Variants in FNDC3B observed in about 807,000 individuals in gnomAD.
The protein encoded by FNDC3B is fibronectin type III domain-containing protein 3B.
Under a neutral mutation model 151.5 loss-of-function variants are expected in FNDC3B, and 12 were observed. That is an observed-to-expected ratio of 0.08 (90% CI 0.05 to 0.13). FNDC3B has a LOEUF of 0.13. Ranked by LOEUF, FNDC3B falls within the 10% of genes least tolerant of loss-of-function variation. The pLI is 1.00. For missense variants in FNDC3B, 1,214 were observed against 1,505.3 expected, an observed-to-expected ratio of 0.81 and a Z score of 3.20; for synonymous variants, 528 against 549.0, an observed-to-expected ratio of 0.96 and a Z score of 0.54.
At chr3:172,207,719 G>A (rs1371822521) in intron 3 of FNDC3B, among the ~76,000 whole-genome samples, 1 of 152,144 alleles carries the variant, frequency 6.6e-6, no homozygotes, top group Admixed American at 6.5e-5. Context: ...AGGCCTAGGT[G>A]GGTGGATCAC....
At chr3:172,060,301 TG>T (rs1344138935) in intron 1 of FNDC3B, among the ~76,000 whole-genome samples, 2 of 151,796 alleles carry the variant, frequency 1.3e-5, no homozygotes, top group East Asian at 3.9e-4. Context: ...GTTGCTAGGG[TG>T]GGGGGTGGTA....
At chr3:172,133,796 A>G in intron 3 of FNDC3B, 1 of 494,508 alleles carries the variant, frequency 2.0e-6, no homozygotes, top group Non-Finnish European at 3.7e-6. Context: ...TTACTCCAAA[A>G]TTTGGTGGCT....
At chr3:172,324,367 G>A (rs1344699719) in intron 11 of FNDC3B, among the ~76,000 whole-genome samples, 5 of 152,110 alleles carry the variant, frequency 3.3e-5, no homozygotes, top group Non-Finnish European at 7.4e-5. Context: ...ATGAATTGGT[G>A]CTCTCAGGCT....
rs1267554497 is a variant in FNDC3B, at chr3:172,218,725, GC to G, written c.188-8142del. Among the ~76,000 whole-genome samples, 4 of 152,276 alleles carry G rather than the reference GC, an allele frequency of 2.6e-5. No homozygotes were observed. In the East Asian group the frequency reaches 7.7e-4, roughly 29 times the overall value. ...TTGATCAGAGAGTTTTAAGTAATTTGCCCCAAGGTCATGCTAGAATGTGATG... is the reference window on the plus strand; with the variant it reads ...TTGATCAGAGAGTTTTAAGTAATTTGCCCAAGGTCATGCTAGAATGTGATG... On this transcript the variant is annotated intron_variant, in intron 3 of 25. Transcript: ENST00000415807.
intron 1 of FNDC3B, among the ~76,000 whole-genome samples, chr3:172,061,168 T>A (rs1009059105): frequency 1.3e-5 from 2 of 152,292 alleles, no homozygotes; most frequent in Non-Finnish European, 2.9e-5. Flanking sequence ...GAATAATGGA[T>A]GCTTATTCTA....
intron 3 of FNDC3B, among the ~76,000 whole-genome samples, chr3:172,149,779 C>T (rs1171186541): frequency 1.7e-5 from 2 of 117,482 alleles, no homozygotes; most frequent in Non-Finnish European, 3.6e-5. Context: ...TTTAAAAAAG[C>T]TTGTGTATAC....
At chr3:172,263,708 A>G (rs963728308) in intron 6 of FNDC3B, among the ~76,000 whole-genome samples, 2 of 150,510 alleles carry the variant, frequency 1.3e-5, no homozygotes, top group South Asian at 2.1e-4. Context: ...TTTGAAAACT[A>G]TATCTTCATT....
At chr3:172,273,403 C>T (rs1277289634) in intron 6 of FNDC3B, among the ~76,000 whole-genome samples, 1 of 152,182 alleles carries the variant, frequency 6.6e-6, no homozygotes, top group East Asian at 1.9e-4. Flanking sequence ...TTCATTGGCT[C>T]TGTTACCTAA....
chr3:172,125,717 C>T (rs1287620905), intron 2 of FNDC3B, among the ~76,000 whole-genome samples: 1 of 152,150 alleles, frequency 6.6e-6, no homozygotes, highest in East Asian at 1.9e-4. Context: ...AAAGTGTATC[C>T]TTCAAAAGGA....
rs76525230 is a variant in FNDC3B, at chr3:172,313,680, T to C, written c.1254+2799T>C. The stretch of plus-strand genomic sequence containing the variant: ...TTTAAGCAGACACAAATAAAACACG[T>C]TGCCATATGCTTCTCAAATTGTTCT... On this transcript the variant is annotated intron_variant, in intron 11 of 25. Transcript: ENST00000415807. Among the ~76,000 whole-genome samples, 40 of 152,352 alleles carry C rather than the reference T, an allele frequency of 2.6e-4. No homozygotes were observed. In the East Asian group the frequency reaches 7.7e-3, roughly 29 times the overall value.
At chr3:172,059,477 T>G (rs1482100874) in intron 1 of FNDC3B, among the ~76,000 whole-genome samples, 1 of 152,164 alleles carries the variant, frequency 6.6e-6, no homozygotes. Context: ...TACTCGGCAT[T>G]TGGGAGTCAA....
chr3:172,348,135 T>C (rs1025693053), intron 21 of FNDC3B, among the ~76,000 whole-genome samples: 3 of 152,230 alleles, frequency 2.0e-5, no homozygotes, highest in Admixed American at 6.5e-5. Context: ...ATTAATCAGA[T>C]GTGGTTGTTG....
At chr3:172,097,220 C>G (rs1240633621) in intron 1 of FNDC3B, among the ~76,000 whole-genome samples, 1 of 152,144 alleles carries the variant, frequency 6.6e-6, no homozygotes, top group Non-Finnish European at 1.5e-5. Context: ...ACCTGCTTCC[C>G]CCACCCCTCT....
chr3:172,290,052 T>G (rs1471058895), intron 7 of FNDC3B, among the ~76,000 whole-genome samples: 2 of 152,186 alleles, frequency 1.3e-5, no homozygotes, highest in Non-Finnish European at 2.9e-5. Flanking sequence ...TATCAGGCCA[T>G]CTGACAGGGA....
intron 3 of FNDC3B, among the ~76,000 whole-genome samples, chr3:172,188,847 C>T (rs1410348940): frequency 1.3e-5 from 2 of 152,186 alleles, no homozygotes; most frequent in African/African-American, 2.4e-5. Flanking sequence ...AATCAGACCC[C>T]GCTTCCTGCA....
chr3:172,105,340 A>G (rs1719589718), intron 1 of FNDC3B, among the ~76,000 whole-genome samples: 1 of 152,160 alleles, frequency 6.6e-6, no homozygotes, highest in African/African-American at 2.4e-5. Flanking sequence ...AGCTGCACAA[A>G]TGTTTGTCAT....
chr3:172,159,956 A>G (rs1467393171), intron 3 of FNDC3B, among the ~76,000 whole-genome samples: 1 of 152,176 alleles, frequency 6.6e-6, no homozygotes, highest in African/African-American at 2.4e-5. Flanking sequence ...CAGGTAGGAA[A>G]ATCAGGACCC....
At chr3:172,209,114 G>A (rs555669241) in intron 3 of FNDC3B, among the ~76,000 whole-genome samples, 3 of 151,390 alleles carry the variant, frequency 2.0e-5, no homozygotes, top group South Asian at 4.2e-4. Context: ...CCTACAGTGC[G>A]CAGTGAGCGG....
At position 172,040,193 on chromosome 3, in the gene FNDC3B, G is replaced by A. The variant is rs1441099387; in HGVS notation, c.-29+422G>A. ...TCCGCGGCAGGAACGCTGCCCAGGAGGGGGAGGGCGGGCGGCGAGGCCGAG... is the reference window on the plus strand; with the variant it reads ...TCCGCGGCAGGAACGCTGCCCAGGAAGGGGAGGGCGGGCGGCGAGGCCGAG... On this transcript the variant is annotated intron_variant, in intron 1 of 25. Coordinates refer to ENST00000415807, the MANE Select transcript of FNDC3B (RefSeq NM_022763.4). The surrounding 1 kb of genome is among the most constrained non-coding windows in gnomAD (Gnocchi z 6.6). Among the ~76,000 whole-genome samples, 2 of 152,234 alleles carry A rather than the reference G, an allele frequency of 1.3e-5. No individual in the cohort carries two copies. The highest frequency in any genetic ancestry group is 2.9e-5 in the Non-Finnish European group (2 of 68,034).
Sources: gnomAD v4.1 joint callset for allele counts (sites outside exome capture counted in the v4.1 genomes callset) on GRCh38, gnomAD v4.1.1 for gene constraint, Gnocchi (gnomAD v3.1) non-coding constraint, MANE v1.5 for transcripts, NCBI Gene and HGNC (gene_info 2026-07-23, HGNC 2026-07-21) for gene names.